The following RNF114 variants were observed in gnomAD, a reference collection of about 807,000 sequenced individuals.
RNF114 encodes the protein ring finger protein 114.
In RNF114, 6 loss-of-function variants were observed where a neutral mutation model predicts 28.4. The observed-to-expected ratio is 0.21, with a 90% confidence interval of 0.12 to 0.42. The LOEUF (loss-of-function observed/expected upper bound fraction) is 0.42, where lower values mean the gene tolerates loss of function less well. Among genes scored for constraint, RNF114 ranks in the 10% least tolerant of loss-of-function variants. The probability of loss-of-function intolerance (pLI) is 1.00; values close to 1 mark genes in which losing one functional copy is unlikely to be tolerated. For synonymous variants in RNF114, 115 were observed against 116.7 expected (o/e 0.99, Z 0.09); for missense variants, 249 against 311.7 (o/e 0.80, Z 1.51).
intron 1 of RNF114, among the ~76,000 whole-genome samples, chr20:49,940,375 C>T (rs1301500943): frequency 6.7e-6 from 1 of 150,162 alleles, no homozygotes; most frequent in Non-Finnish European, 1.5e-5. Context: ...ACACCCAGTC[C>T]TCAGGTTCAT....
In RNF114 at chr20:49,952,531, AGC is replaced by A. The variant is rs2090358894; in HGVS notation, c.*391_*392del. On this transcript the variant is annotated 3_prime_UTR_variant, in exon 6 of 6. Transcript: ENST00000244061. ...CCAGGACCTTTTCTGGGTCATGAAT[AGC>A]ACAATGAAGCAAGTGTCTCCTTTCC... 3 of 360,128 alleles carry A rather than the reference AGC, an allele frequency of 8.3e-6. No homozygotes were observed. The East Asian group carries it at 1.3e-4, about 15-fold the overall frequency. The allele number at this position is 360,128 out of a possible 1,614,324, so 22.3% of individuals were successfully genotyped here. A position where few individuals can be genotyped will look rare whatever the true frequency, so the allele number is the denominator to read the frequency against.
At chr20:49,946,031 A>T (rs975353854) in intron 3 of RNF114, 105 bp from the exon 4 acceptor site, 5 of 583,036 alleles carry the variant, frequency 8.6e-6, no homozygotes, top group East Asian at 3.0e-5. Flanking sequence ...CCTTATCATT[A>T]CACATTTGGT....
Position 49,952,353 on chromosome 20 carries a change from A to G in RNF114, c.*212A>G. 3 of 560,932 alleles carry G rather than the reference A, an allele frequency of 5.3e-6. No homozygotes were observed. Among genetic ancestry groups the G allele is most frequent in the Non-Finnish European group, 9.7e-6 (3 of 310,574 alleles). 34.7% of individuals were successfully genotyped at this position (560,932 alleles called of 1,614,324 possible). ...GCCAAAGCTGTCTTCCCCTACTGTTAACCTTGTTTGTCACACGGTCGAGTT... is the reference window on the plus strand; with the variant it reads ...GCCAAAGCTGTCTTCCCCTACTGTTGACCTTGTTTGTCACACGGTCGAGTT... On this transcript the variant is annotated 3_prime_UTR_variant, in exon 6 of 6. Coordinates refer to ENST00000244061, the MANE Select transcript of RNF114 (RefSeq NM_018683.4).
At chr20:49,943,547 AATC>A (rs1367862070) in intron 2 of RNF114, among the ~76,000 whole-genome samples, 31 of 151,986 alleles carry the variant, frequency 2.0e-4, no homozygotes, top group African/African-American at 4.8e-5. Context: ...GAGGTGAGAC[AATC>A]ATCATGGTAA....
At chr20:49,939,966 A>G (rs759865553) in intron 1 of RNF114, among the ~76,000 whole-genome samples, 6 of 149,574 alleles carry the variant, frequency 4.0e-5, no homozygotes, top group Non-Finnish European at 8.9e-5. Context: ...AAGCAGGAGA[A>G]TCGCTTGGAC....
chr20:49,942,539 A>G (rs2146855380), intron 2 of RNF114, among the ~76,000 whole-genome samples: 1 of 152,314 alleles, frequency 6.6e-6, no homozygotes, highest in South Asian at 2.1e-4. Context: ...CGTTCAACTT[A>G]AGGCCTGGCA....
At chr20:49,936,674 T>A in intron 1 of RNF114, 122 bp downstream of exon 1, 6 of 1,240,884 alleles carry the variant, frequency 4.8e-6, no homozygotes, top group Non-Finnish European at 6.5e-6. Flanking sequence ...CCCGGGGGTG[T>A]CCCCCGGGGC....
intron 5 of RNF114, among the ~76,000 whole-genome samples, chr20:49,949,824 C>G (rs1445969586): frequency 6.6e-6 from 1 of 152,004 alleles, no homozygotes; most frequent in African/African-American, 2.4e-5. Flanking sequence ...TTTGTACTTT[C>G]AGTAGAGACA....
intron 2 of RNF114, 172 bp from the exon 3 acceptor site, chr20:49,945,210 T>C (rs1294280517): frequency 5.4e-6 from 3 of 556,224 alleles, no homozygotes; most frequent in Admixed American, 6.3e-5. Context: ...TTGGTATTAA[T>C]GGGAAATCTG....
intron 1 of RNF114, chr20:49,941,317 A>G (rs1422666324): frequency 2.5e-6 from 1 of 406,018 alleles, no homozygotes; most frequent in Non-Finnish European, 4.4e-6. Context: ...TTGAAGCCTC[A>G]ACCTTAACAC....
intron 5 of RNF114, among the ~76,000 whole-genome samples, chr20:49,950,156 G>A (rs1444100091): frequency 6.6e-6 from 1 of 152,028 alleles, no homozygotes; most frequent in East Asian, 2.0e-4. Context: ...GGAGGCTGAG[G>A]CAGGAGAATC....
At chr20:49,945,627 G>A in intron 3 of RNF114, 139 bp downstream of exon 3, 2 of 605,258 alleles carry the variant, frequency 3.3e-6, no homozygotes, top group Non-Finnish European at 6.0e-6. Context: ...GTATGCAAGG[G>A]AGGACTCTGG....
chr20:49,940,412 CTTT>C (rs373298495), intron 1 of RNF114, among the ~76,000 whole-genome samples: 6 of 125,154 alleles, frequency 4.8e-5, no homozygotes, highest in Non-Finnish European at 8.8e-5. Context: ...CATCTGAACC[CTTT>C]TTTTTTTTTT....
chr20:49,941,615 G>T lies in RNF114; in HGVS notation c.195G>T (p.Gly65=). 6.2e-7 allele frequency: 1 copy of T among 1,612,428 alleles called. No homozygotes were observed. Among genetic ancestry groups the T allele is most frequent in the Non-Finnish European group, 8.5e-7 (1 of 1,178,962 alleles). The change falls in exon 2 of 6, where the codon GGG becomes GGT. Residue 65 remains glycine, a synonymous_variant. Transcript: ENST00000244061. ...ECLKPKKPVC[G]VCRSALAPGV... is the part of the protein sequence containing the mutation. ...TGAAGCCGAAGAAGCCTGTCTGTGG[G>T]GTGTGTCGCAGCGCTCTGGCACCTG... is the stretch of plus-strand genomic sequence containing the variant.
chr20:49,946,657 C>T (rs2090332621), intron 4 of RNF114, among the ~76,000 whole-genome samples: 1 of 152,086 alleles, frequency 6.6e-6, no homozygotes, highest in African/African-American at 2.4e-5. Context: ...ATTTCCCCCT[C>T]CCCCCAAGGC....
intron 4 of RNF114, among the ~76,000 whole-genome samples, chr20:49,947,981 G>A (rs1243517614): frequency 2.0e-5 from 3 of 151,330 alleles, no homozygotes; most frequent in Admixed American, 6.6e-5. Flanking sequence ...TGGTAGAGAC[G>A]GGGTTTCACC....
intron 1 of RNF114, among the ~76,000 whole-genome samples, chr20:49,939,049 TG>T (rs557928684): frequency 1.3e-5 from 2 of 152,218 alleles, no homozygotes; most frequent in South Asian, 4.1e-4. Context: ...CATTTGTGTG[TG>T]GCGTGATCTT....
intron 3 of RNF114, 86 bp from the exon 4 acceptor site, chr20:49,946,050 C>T: frequency 3.2e-6 from 2 of 629,980 alleles, no homozygotes; most frequent in South Asian, 4.2e-5. Flanking sequence ...GTGAGCTTTG[C>T]TCCTTTTTGG....
At chr20:49,949,218 G>T in intron 4 of RNF114, 30 bp from the exon 5 acceptor site, 1 of 1,587,612 alleles carries the variant, frequency 6.3e-7, no homozygotes, top group Non-Finnish European at 8.7e-7. Context: ...TGGAAATTGG[G>T]TGCCTAAGAC....
Sources: gnomAD v4.1 joint callset for allele counts (sites outside exome capture counted in the v4.1 genomes callset) on GRCh38, gnomAD v4.1.1 for gene constraint, MANE v1.5 for transcripts, NCBI Gene and HGNC (gene_info 2026-07-23, HGNC 2026-07-21) for gene names.